Variants in PRDM16 observed in about 807,000 individuals in gnomAD.
The protein encoded by PRDM16 is PR/SET domain 16.
PRDM16 carries 23 observed loss-of-function variants against 110.6 expected under a neutral mutation model. That is an observed-to-expected ratio of 0.21 (90% CI 0.15 to 0.29). The LOEUF is 0.29. PRDM16 is among the 10% of genes least tolerant of loss of function. PRDM16 has a pLI of 1.00. For missense variants in PRDM16, 1,615 were observed against 1,794.3 expected, an observed-to-expected ratio of 0.90 and a Z score of 1.81; for synonymous variants, 799 against 781.8, an observed-to-expected ratio of 1.02 and a Z score of -0.37.
At chr1:3,167,577 A>T (rs1421886294) in intron 1 of PRDM16, among the ~76,000 whole-genome samples, 1 of 103,356 alleles carries the variant, frequency 9.7e-6, no homozygotes, top group African/African-American at 4.0e-5. Flanking sequence ...TGCTCCTGCC[A>T]TCCTCCCACC....
intron 3 of PRDM16, among the ~76,000 whole-genome samples, chr1:3,288,081 G>A (rs1640897752): frequency 6.6e-6 from 1 of 152,258 alleles, no homozygotes; most frequent in Admixed American, 6.5e-5. Flanking sequence ...AGTCAGGCAG[G>A]GCCAGCTAGC....
intron 2 of PRDM16, among the ~76,000 whole-genome samples, chr1:3,199,001 C>G (rs1243931814): frequency 1.3e-5 from 2 of 152,112 alleles, no homozygotes; most frequent in Non-Finnish European, 2.9e-5. Context: ...TGAGATAAAC[C>G]CTCACCCAGA....
chr1:3,229,075 C>G (rs114731593), intron 2 of PRDM16, among the ~76,000 whole-genome samples: 1 of 152,212 alleles, frequency 6.6e-6, no homozygotes, highest in African/African-American at 2.4e-5. Flanking sequence ...GGAAGGTGCC[C>G]GTTTCTAAAG....
chr1:3,248,008 CGCCGGAGCCGGTAATAAAAAG>C (rs775304799), intron 3 of PRDM16, among the ~76,000 whole-genome samples: 1 of 152,186 alleles, frequency 6.6e-6, no homozygotes, highest in African/African-American at 2.4e-5. Flanking sequence ...CTGGAGAGCC[CGCCGGAGCCGGTAATAAAAAG>C]GCCGGGCGAA....
intron 3 of PRDM16, among the ~76,000 whole-genome samples, chr1:3,376,566 CCCT>C (rs1642993416): frequency 6.6e-6 from 1 of 152,214 alleles, no homozygotes; most frequent in South Asian, 2.1e-4. Flanking sequence ...AGCCACAGCC[CCCT>C]CCAGCTTCTT....
chr1:3,180,227 G>A (rs1283218941), intron 1 of PRDM16, among the ~76,000 whole-genome samples: 1 of 151,080 alleles, frequency 6.6e-6, no homozygotes, highest in Non-Finnish European at 1.5e-5. Flanking sequence ...CCACCCCCCA[G>A]GCCAAGACAA....
intron 3 of PRDM16, among the ~76,000 whole-genome samples, chr1:3,337,754 C>T (rs1385030950): frequency 1.3e-5 from 2 of 152,208 alleles, no homozygotes; most frequent in East Asian, 1.9e-4. Context: ...CCAGAGAGCA[C>T]ACGATAGAGT....
chr1:3,433,664 C>G lies in PRDM16; in HGVS notation c.3697-13C>G. 2 of 1,610,082 alleles carry G rather than the reference C, an allele frequency of 1.2e-6. No homozygotes were observed. Among genetic ancestry groups the G allele is most frequent in the East Asian group, 4.5e-5 (2 of 44,812 alleles). Reference sequence around the variant, plus strand: ...CTGCCTGTCCTGTGTGTGTGTCATCCCCTCCCCGCCAGGCATATGCAATGA... The same window carrying G: ...CTGCCTGTCCTGTGTGTGTGTCATCGCCTCCCCGCCAGGCATATGCAATGA... On this transcript the variant is annotated splice_polypyrimidine_tract_variant and intron_variant, in intron 16 of 16. Coordinates refer to ENST00000270722, the MANE Select transcript of PRDM16 (RefSeq NM_022114.4).
chr1:3,394,641 T>G (rs1643357538), intron 4 of PRDM16: 1 of 326,542 alleles, frequency 3.1e-6, no homozygotes, highest in African/African-American at 2.3e-5. Context: ...CCAGGCCACC[T>G]GCCCCACGGG....
In PRDM16 at chr1:3,433,990, C is replaced by T; in HGVS notation, c.*179C>T. 1.5e-6 allele frequency: 1 copy of T among 650,354 alleles called. No individual in the cohort carries two copies. Among genetic ancestry groups the T allele is most frequent in the Non-Finnish European group, 2.6e-6 (1 of 385,058 alleles). The allele number at this position is 650,354 out of a possible 1,614,324, so 40.3% of individuals were successfully genotyped here. A position where few individuals can be genotyped will look rare whatever the true frequency, so the allele number is the denominator to read the frequency against. On this transcript the variant is annotated 3_prime_UTR_variant, in exon 17 of 17. Transcript: ENST00000270722. ...ACTCAGATCCCAAAAGTCCCTAAAGCAGTCGTAGAGTCTCACCATCTCCAA... is the reference window on the plus strand; with the variant it reads ...ACTCAGATCCCAAAAGTCCCTAAAGTAGTCGTAGAGTCTCACCATCTCCAA...
chr1:3,335,642 C>T (rs1328001240), intron 3 of PRDM16, among the ~76,000 whole-genome samples: 3 of 146,664 alleles, frequency 2.0e-5, no homozygotes, highest in Admixed American at 6.7e-5. Flanking sequence ...CACACACACA[C>T]CCTTGGACAT....
chr1:3,323,683 G>A (rs1016506527), intron 3 of PRDM16, among the ~76,000 whole-genome samples: 2 of 152,370 alleles, frequency 1.3e-5, no homozygotes, highest in East Asian at 3.9e-4. Context: ...TGCTGGGAGC[G>A]GCCGCACTTC....
At chr1:3,134,662 T>G (rs758851906) in intron 1 of PRDM16, among the ~76,000 whole-genome samples, 24 of 152,258 alleles carry the variant, frequency 1.6e-4, no homozygotes, top group Non-Finnish European at 3.4e-4. Context: ...CTTGACCTAA[T>G]TGGTCCAGAA....
chr1:3,416,649 C>T (rs534007247), intron 10 of PRDM16, among the ~76,000 whole-genome samples: 2 of 152,346 alleles, frequency 1.3e-5, no homozygotes, highest in South Asian at 2.1e-4. Context: ...CTTGCCCTCC[C>T]TCCTCATCCC....
intron 3 of PRDM16, among the ~76,000 whole-genome samples, chr1:3,305,690 G>A (rs1200198996): frequency 6.6e-6 from 1 of 152,260 alleles, no homozygotes; most frequent in Non-Finnish European, 1.5e-5. Context: ...GTGGGGAATT[G>A]TGGAGCAGGC....
Position 3,291,707 on chromosome 1 carries a change from G to T in PRDM16, c.438+47570G>T, listed in dbSNP as rs543296439. Among the ~76,000 whole-genome samples the T allele has an allele frequency of 1.2e-4, 19 of 152,372 alleles. No homozygotes were observed. The South Asian group carries it at 3.5e-3, about 28-fold the overall frequency. On this transcript the variant is annotated intron_variant, in intron 3 of 16. Coordinates refer to ENST00000270722, the MANE Select transcript of PRDM16 (RefSeq NM_022114.4). The stretch of plus-strand genomic sequence containing the variant: ...GGGTCAAGGCAGCTCTTGGCAGTGC[G>T]GGGGAGCTTGTTAGAAATGCAAGTC...
chr1:3,413,453 G>T (rs1225704170), intron 9 of PRDM16, among the ~76,000 whole-genome samples: 1 of 152,056 alleles, frequency 6.6e-6, no homozygotes, highest in Non-Finnish European at 1.5e-5. Context: ...CGAGTTTAAT[G>T]CCACTCCCTA....
intron 3 of PRDM16, among the ~76,000 whole-genome samples, chr1:3,322,410 A>G (rs1435839176): frequency 2.0e-5 from 3 of 152,148 alleles, no homozygotes; most frequent in Non-Finnish European, 2.9e-5. Flanking sequence ...TTTAAAAACA[A>G]TTGAGCCTCC....
At chr1:3,429,262 AACTG>A in intron 14 of PRDM16, among the ~76,000 whole-genome samples, 1 of 152,348 alleles carries the variant, frequency 6.6e-6, no homozygotes. Flanking sequence ...AGCTCTGGGA[AACTG>A]ACTGTCCTCC....
Sources: gnomAD v4.1 joint callset for allele counts (sites outside exome capture counted in the v4.1 genomes callset) on GRCh38, gnomAD v4.1.1 for gene constraint, MANE v1.5 for transcripts, NCBI Gene and HGNC (gene_info 2026-07-23, HGNC 2026-07-21) for gene names.